Variants in HTT-AS observed in about 807,000 individuals in gnomAD.
HTT-AS encodes the protein HTT antisense RNA (head to head).
At chr4:3,072,983 G>C (rs1712221526) in intron 1 of HTT-AS, among the ~76,000 whole-genome samples, 1 of 152,176 alleles carries the variant, frequency 6.6e-6, no homozygotes, top group African/African-American at 2.4e-5. Flanking sequence ...GGAGTGCAGT[G>C]GTGCAATCCT....
intron 2 of HTT-AS, among the ~76,000 whole-genome samples, chr4:3,062,009 A>AG (rs1711936028): frequency 1.3e-5 from 2 of 149,350 alleles, no homozygotes; most frequent in African/African-American, 2.5e-5. Flanking sequence ...AAAAAAAAAA[A>AG]AAAAGAGAGA....
In HTT-AS at chr4:3,066,465, G is replaced by A. The variant is rs149869980; in HGVS notation, n.114-2765C>T. Among the ~76,000 whole-genome samples, 10 of 152,264 alleles carry A rather than the reference G, an allele frequency of 6.6e-5. No individual in the cohort carries two copies. The East Asian group carries it at 1.2e-3, about 18-fold the overall frequency. ...TTATAGGCGTGACCCACCGTGCCCC[G>A]TCTGAGCTAAGCCTCTTGAGCATAG... is the stretch of plus-strand genomic sequence containing the variant. On this transcript the variant is annotated intron_variant and non_coding_transcript_variant, in intron 1 of 2. Transcript: ENST00000664062.
chr4:3,047,813 G>A (rs180920112), downstream of HTT-AS, among the ~76,000 whole-genome samples: 4 of 152,190 alleles, frequency 2.6e-5, no homozygotes, highest in East Asian at 1.9e-4. Context: ...TTCATGTTCC[G>A]CTCTGTACAC....
intron 2 of HTT-AS, among the ~76,000 whole-genome samples, chr4:3,061,957 G>A (rs941297136): frequency 1.4e-5 from 2 of 141,328 alleles, no homozygotes; most frequent in African/African-American, 2.7e-5. Context: ...ACTCCAGCCC[G>A]GACGACAGGG....
chr4:3,061,692 A>G (rs1307409645), intron 2 of HTT-AS, among the ~76,000 whole-genome samples: 3 of 149,886 alleles, frequency 2.0e-5, no homozygotes, highest in African/African-American at 7.4e-5. Flanking sequence ...CAGAAAAAAA[A>G]AAAAAAGGCC....
intron 1 of HTT-AS, among the ~76,000 whole-genome samples, chr4:3,065,822 T>C (rs1253550742): frequency 6.6e-6 from 1 of 152,198 alleles, no homozygotes; most frequent in Non-Finnish European, 1.5e-5. Context: ...ATCACTAGCC[T>C]GGGGAAAGAT....
chr4:3,054,150 G>A lies in HTT-AS; in HGVS notation n.1381-4452C>T, dbSNP rs140577976. On this transcript the variant is annotated intron_variant and non_coding_transcript_variant, in intron 2 of 2. Transcript: ENST00000664062. ...GCATTAGATTCTAGATAAGGCCTGC[G>A]GACATGTGGAATTAGCCATGCCCCC... Among the ~76,000 whole-genome samples, 381 of 151,532 alleles carry A rather than the reference G, an allele frequency of 2.5e-3. 1 individual carries two copies. Among genetic ancestry groups the A allele is most frequent in the African/African-American group, 8.6e-3 (357 of 41,306 alleles).
intron 1 of HTT-AS, among the ~76,000 whole-genome samples, chr4:3,066,027 CAAACAT>C (rs1444404549): frequency 6.6e-6 from 1 of 152,204 alleles, no homozygotes; most frequent in Non-Finnish European, 1.5e-5. Flanking sequence ...TAAATCCAGA[CAAACAT>C]AAACATTAAC....
intron 1 of HTT-AS, among the ~76,000 whole-genome samples, chr4:3,066,765 T>A (rs1022594497): frequency 6.6e-6 from 1 of 152,322 alleles, no homozygotes; most frequent in South Asian, 2.1e-4. Context: ...CGGAAGAAGA[T>A]AATACCTTAA....
Position 3,068,325 on chromosome 4 carries a change from AAAAAAAAAG to A in HTT-AS, n.114-4634_114-4626del, listed in dbSNP as rs1409445760. On this transcript the variant is annotated intron_variant and non_coding_transcript_variant, in intron 1 of 2. Transcript: ENST00000664062. ...TGTCTCAAAAAAAAAAAAAAAAAAAAAAAAAAAAGGGTGACGAAGCTTCAATCTCCTGAA... is the reference window on the plus strand; with the variant it reads ...TGTCTCAAAAAAAAAAAAAAAAAAAAGGTGACGAAGCTTCAATCTCCTGAA... 2.5e-3 allele frequency among the ~76,000 whole-genome samples: 367 copies of A among 145,028 alleles called. 4 individuals carry two copies. The highest frequency in any genetic ancestry group is 8.5e-3 in the African/African-American group (346 of 40,500).
intron 1 of HTT-AS, among the ~76,000 whole-genome samples, chr4:3,073,436 C>T (rs1476369868): frequency 3.3e-5 from 5 of 152,246 alleles, no homozygotes; most frequent in African/African-American, 4.8e-5. Context: ...CAGACCTCTG[C>T]TGAGCTGCTG....
rs577466663 is a variant in HTT-AS at position 3,054,005 on chromosome 4, G to A, written n.1381-4307C>T. 9.9e-5 allele frequency among the ~76,000 whole-genome samples: 15 copies of A among 151,734 alleles called. No homozygotes were observed. In the South Asian group the frequency reaches 1.9e-3, roughly 19 times the overall value. On this transcript the variant is annotated intron_variant and non_coding_transcript_variant, in intron 2 of 2. Coordinates refer to ENST00000664062, the Ensembl canonical transcript of HTT-AS. ...GAACTCCTGACCTCATGATCCCCCC[G>A]CCTCCGCCTCCCAAAGTGCTGGGAT...
intron 2 of HTT-AS, among the ~76,000 whole-genome samples, chr4:3,061,350 A>C (rs896998673): frequency 5.3e-5 from 8 of 152,226 alleles, no homozygotes; most frequent in African/African-American, 1.9e-4. Context: ...CATTCTTTTG[A>C]ATCTCCGATA....
chr4:3,055,086 C>T (rs574331040), intron 2 of HTT-AS, among the ~76,000 whole-genome samples: 3 of 152,144 alleles, frequency 2.0e-5, no homozygotes, highest in Non-Finnish European at 4.4e-5. Flanking sequence ...TGGTGGCTCA[C>T]ACCTGTAATC....
intron 1 of HTT-AS, among the ~76,000 whole-genome samples, chr4:3,071,988 C>T (rs1275851258): frequency 2.0e-5 from 3 of 152,234 alleles, no homozygotes; most frequent in Non-Finnish European, 4.4e-5. Context: ...CAAATACAGT[C>T]ATCTGCTGCT....
At chr4:3,054,872 G>A (rs1480045256) in intron 2 of HTT-AS, among the ~76,000 whole-genome samples, 1 of 151,810 alleles carries the variant, frequency 6.6e-6, no homozygotes, top group Non-Finnish European at 1.5e-5. Flanking sequence ...TTGCCAGCAC[G>A]CCTGGCTAAT....
At chr4:3,064,968 A>G (rs1712015541) in intron 1 of HTT-AS, among the ~76,000 whole-genome samples, 1 of 152,244 alleles carries the variant, frequency 6.6e-6, no homozygotes, top group African/African-American at 2.4e-5. Flanking sequence ...TCAATAATGC[A>G]TGGATGGTTC....
At chr4:3,055,860 T>C (rs1578465529) in intron 2 of HTT-AS, among the ~76,000 whole-genome samples, 1 of 152,226 alleles carries the variant, frequency 6.6e-6, no homozygotes, top group East Asian at 1.9e-4. Flanking sequence ...TTTCTACCAG[T>C]TTCTTTCAGA....
chr4:3,056,768 C>T (rs1711809723), intron 2 of HTT-AS, among the ~76,000 whole-genome samples: 1 of 152,144 alleles, frequency 6.6e-6, no homozygotes, highest in Non-Finnish European at 1.5e-5. Flanking sequence ...TAGTAAAATA[C>T]ACATAAAATT....
Sources: allele counts gnomAD v4.1 joint callset (sites outside exome capture counted in the v4.1 genomes callset), GRCh38; gene constraint gnomAD v4.1.1; transcripts MANE v1.5; gene names NCBI Gene and HGNC (gene_info 2026-07-23, HGNC 2026-07-21).